FAM186A: variants seen among roughly 807,000 people sequenced by gnomAD.
FAM186A encodes protein FAM186A.
FAM186A carries 163 observed loss-of-function variants against 216.8 expected under a neutral mutation model. The observed-to-expected ratio is 0.75, with a 90% CI of 0.66 to 0.86. The LOEUF (loss-of-function observed/expected upper bound fraction) is 0.86, where lower values mean the gene tolerates loss of function less well. Ranked by LOEUF, FAM186A falls within the 40% of genes least tolerant of loss-of-function variation. The pLI, the probability that FAM186A is intolerant of heterozygous loss-of-function variation, is 0.00. For missense variants in FAM186A, 2,184 were observed against 2,746.2 expected (o/e 0.80, Z 4.58); for synonymous variants, 805 against 1,025.3 (o/e 0.79, Z 4.10).
At chr12:50,335,809 A>T (rs936230945) in intron 4 of FAM186A, among the ~76,000 whole-genome samples, 1 of 151,940 alleles carries the variant, frequency 6.6e-6, no homozygotes, top group African/African-American at 2.4e-5. Flanking sequence ...CAGGAGCAAA[A>T]AGGAAAGCAT....
chr12:50,344,565 A>G (rs564859975), intron 4 of FAM186A, among the ~76,000 whole-genome samples: 1 of 152,316 alleles, frequency 6.6e-6, no homozygotes, highest in Admixed American at 6.5e-5. Flanking sequence ...TAATGCTGCA[A>G]TGAGCAGACA....
chr12:50,357,839 G>T (rs563502937), intron 3 of FAM186A, among the ~76,000 whole-genome samples: 1 of 152,190 alleles, frequency 6.6e-6, no homozygotes, highest in Admixed American at 6.5e-5. Context: ...TTGACTTGGA[G>T]CAAAGCCTGG....
intron 5 of FAM186A, 147 bp from the exon 6 acceptor site, chr12:50,331,968 A>G (rs2138757367): frequency 1.5e-6 from 1 of 653,026 alleles, no homozygotes; most frequent in East Asian, 3.0e-5. Context: ...CACCTCCAAC[A>G]TGCATCATTT....
At chr12:50,369,796 C>T (rs1247518044) in intron 1 of FAM186A, among the ~76,000 whole-genome samples, 1 of 151,974 alleles carries the variant, frequency 6.6e-6, no homozygotes. Context: ...TGAGACCAGC[C>T]TGGCCAACAC....
intron 4 of FAM186A, among the ~76,000 whole-genome samples, chr12:50,337,774 T>C (rs1188425130): frequency 1.3e-5 from 2 of 152,074 alleles, no homozygotes; most frequent in Non-Finnish European, 2.9e-5. Context: ...CAAGCGCCTG[T>C]AGTCCCAGCT....
At chr12:50,361,001 G>A in intron 2 of FAM186A, 75 bp from the exon 3 acceptor site, 1 of 1,136,950 alleles carries the variant, frequency 8.8e-7, no homozygotes, top group Non-Finnish European at 1.2e-6. Context: ...TTATAATATT[G>A]GGTAACTACT....
Position 50,351,219 on chromosome 12 carries a change from C to A in FAM186A, c.5613G>T (p.Gly1871=), listed in dbSNP as rs950268742. ...TTAAGGGTCCAGATTCCAGGAGGTCCCCAGGGATGGAAGAGGCTTCAGGAA... is the reference window on the plus strand; with the variant it reads ...TTAAGGGTCCAGATTCCAGGAGGTCACCAGGGATGGAAGAGGCTTCAGGAA... The part of the protein sequence containing the change: ...PLVPEASSIP[G]DLLESGPLTF... The change falls in exon 4 of 8, where the codon GGG becomes GGT. Residue 1871 remains glycine (G), a synonymous_variant. Transcript: ENST00000327337. 1.3e-6 allele frequency: 2 copies of A among 1,551,482 alleles called. No individual in the cohort carries two copies. The highest frequency in any genetic ancestry group is 8.7e-7 in the Non-Finnish European group (1 of 1,146,936).
chr12:50,365,847 C>T, intron 1 of FAM186A: 1 of 762,138 alleles, frequency 1.3e-6, no homozygotes. Context: ...TAAAGGTCAG[C>T]AAATTGGCAA....
At chr12:50,358,601 C>CAAAAA (rs1943000946) in intron 3 of FAM186A, among the ~76,000 whole-genome samples, 2 of 151,176 alleles carry the variant, frequency 1.3e-5, no homozygotes, top group African/African-American at 4.9e-5. Flanking sequence ...CAAAACAAAA[C>CAAAAA]AAAAACCTAT....
intron 1 of FAM186A, among the ~76,000 whole-genome samples, chr12:50,386,160 A>ACATTACATTACAG (rs1943301314): frequency 6.6e-6 from 1 of 151,702 alleles, no homozygotes; most frequent in Non-Finnish European, 1.5e-5. Flanking sequence ...CAGGCATAGT[A>ACATTACATTACAG]GCTTACGCCT....
At chr12:50,336,530 G>A (rs1433808820) in intron 4 of FAM186A, among the ~76,000 whole-genome samples, 2 of 152,036 alleles carry the variant, frequency 1.3e-5, no homozygotes, top group Non-Finnish European at 2.9e-5. Context: ...AAATCTTAGT[G>A]GTAGGCTTCA....
intron 1 of FAM186A, among the ~76,000 whole-genome samples, chr12:50,377,846 AAC>A (rs1555218453): frequency 3.6e-4 from 54 of 151,588 alleles, no homozygotes; most frequent in African/African-American, 1.3e-3. Flanking sequence ...AAAAAAAAAA[AAC>A]AAGAAAAGAA....
intron 1 of FAM186A, among the ~76,000 whole-genome samples, chr12:50,372,902 TAAAAAAAAAAAAAAAGA>T (rs762479265): frequency 2.5e-5 from 1 of 39,508 alleles, no homozygotes; most frequent in East Asian, 6.4e-4. Context: ...AGACTCCGTC[TAAAAAAAAAAAAAAAGA>T]AAAAAGAAAG....
chr12:50,349,867 G>A (rs1942857700), intron 4 of FAM186A, among the ~76,000 whole-genome samples: 1 of 151,972 alleles, frequency 6.6e-6, no homozygotes, highest in Non-Finnish European at 1.5e-5. Context: ...GGCCAGGCTG[G>A]TCTTGAACTC....
At position 50,360,793 on chromosome 12, in the gene FAM186A, A is replaced by G; in HGVS notation, c.546T>C (p.Ser182=). The change falls in exon 3 of 8, where the codon TCT becomes TCC. Residue 182 remains serine, a synonymous_variant. Transcript: ENST00000327337. ...NVKILSRFST[S]FLDEKKKQKK... ...TTTGTTTCTTCTTTTCGTCGAGGAA[A>G]GATGTACTAAATCTGCTTAGTATCT... 6.5e-7 allele frequency: 1 copy of G among 1,542,602 alleles called. No homozygotes were observed. Among genetic ancestry groups the G allele is most frequent in the Non-Finnish European group, 8.7e-7 (1 of 1,144,496 alleles).
intron 1 of FAM186A, among the ~76,000 whole-genome samples, chr12:50,383,369 C>T (rs898369748): frequency 5.6e-5 from 8 of 142,314 alleles, no homozygotes; most frequent in Admixed American, 2.9e-4. Flanking sequence ...GGCGGAAGCA[C>T]GTGGATCATG....
chr12:50,395,126 G>T (rs190772860), intron 1 of FAM186A, among the ~76,000 whole-genome samples: 8 of 152,068 alleles, frequency 5.3e-5, no homozygotes, highest in Non-Finnish European at 1.2e-4. Flanking sequence ...ACAGGGTCTC[G>T]CTATGTCACC....
Position 50,346,262 on chromosome 12 carries a change from A to AAAGAAAGAAAGAAAGT in FAM186A, c.6503+4066_6503+4067insACTTTCTTTCTTTCTT, listed in dbSNP as rs1436973309. ...AAAAGAAAGAAAGAAAGAAAGAAAG[A>AAAGAAAGAAAGAAAGT]AAGTCATACAGAATGGAATGTAGTG... On this transcript the variant is annotated intron_variant, in intron 4 of 7. Coordinates refer to ENST00000327337, the MANE Select transcript of FAM186A (RefSeq NM_001145475.3). 5.3e-5 allele frequency among the ~76,000 whole-genome samples: 8 copies of AAAGAAAGAAAGAAAGT among 150,790 alleles called. No individual in the cohort carries two copies. The East Asian group carries it at 1.6e-3, about 30-fold the overall frequency.
Position 50,355,138 on chromosome 12 carries a change from A to T in FAM186A, c.1694T>A (p.Ile565Asn), listed in dbSNP as rs1202576004. Residue 565 changes from isoleucine to asparagine, a missense_variant, in exon 4 of 8, where the codon ATT becomes AAT. Physicochemically the swap from Ile to Asn is moderately radical, Grantham distance 149. Coordinates refer to ENST00000327337, the MANE Select transcript of FAM186A (RefSeq NM_001145475.3). ...PFDKRPTAAE[I>N]KVEPTTESLD... is the part of the protein sequence containing the mutation. ...TGACTCAGTGGTGGGTTCCACTTTA[A>T]TCTCTGCTGCAGTTGGACGTTTGTC... The T allele has an allele frequency of 1.2e-5, 18 of 1,551,394 alleles. No individual in the cohort carries two copies. Among genetic ancestry groups the T allele is most frequent in the East Asian group, 7.3e-5 (3 of 40,926 alleles).
Sources: allele counts gnomAD v4.1 joint callset (sites outside exome capture counted in the v4.1 genomes callset), GRCh38; gene constraint gnomAD v4.1.1; transcripts MANE v1.5; gene names NCBI Gene and HGNC (gene_info 2026-07-23, HGNC 2026-07-21).